Variants in HYDIN observed in about 807,000 individuals in gnomAD.
HYDIN encodes axonemal central pair apparatus protein HYDIN.
A neutral mutation model predicts 403.9 loss-of-function variants in HYDIN; 132 were observed. The ratio of observed to expected loss-of-function variants is 0.33; its 90% CI spans 0.28 to 0.38. HYDIN has a LOEUF of 0.38. Among genes scored for constraint, HYDIN ranks in the 10% least tolerant of loss-of-function variants. HYDIN has a pLI of 1.00. For synonymous variants in HYDIN, 1,202 were observed against 1,891.7 expected, an observed-to-expected ratio of 0.64 and a Z score of 9.46; for missense variants, 2,827 against 5,009.5, an observed-to-expected ratio of 0.56 and a Z score of 13.15.
In HYDIN at chr16:71,088,470, T is replaced by A. The variant is rs1021985108; in HGVS notation, c.1501A>T (p.Thr501Ser). ...IDALFNMTPP[T>S]SALGACFVFS... Reference sequence around the variant, plus strand: ...ACAAAGCAGGCCCCCAAAGCTGAAGTTGGAGGGGTCATGTTGAAGAGAGCA... The same window carrying A: ...ACAAAGCAGGCCCCCAAAGCTGAAGATGGAGGGGTCATGTTGAAGAGAGCA... The change falls in exon 12 of 86, where the codon ACT becomes TCT. Residue 501 changes from threonine (T) to serine (S), a missense_variant. Transcript: ENST00000393567. 1 of 662,612 alleles carries A rather than the reference T, an allele frequency of 1.5e-6. No individual in the cohort carries two copies. Among genetic ancestry groups the A allele is most frequent in the Non-Finnish European group, 2.6e-6 (1 of 383,508 alleles). 41.0% of individuals were successfully genotyped at this position (662,612 alleles called of 1,614,324 possible).
At chr16:71,069,158 C>G in intron 14 of HYDIN, 109 bp downstream of exon 14, 2 of 1,175,414 alleles carry the variant, frequency 1.7e-6, no homozygotes, top group East Asian at 4.9e-5. Context: ...TGACAGGCAC[C>G]CCCTCCTGCT....
At chr16:71,180,288 A>G (rs1212562740) in intron 3 of HYDIN, among the ~76,000 whole-genome samples, 7 of 152,072 alleles carry the variant, frequency 4.6e-5, no homozygotes, top group African/African-American at 1.7e-4. Context: ...CTAGAAAAAT[A>G]CAATAAAAAT....
At chr16:71,029,772 T>C (rs1266202953) in intron 19 of HYDIN, among the ~76,000 whole-genome samples, 1 of 151,794 alleles carries the variant, frequency 6.6e-6, no homozygotes, top group African/African-American at 2.4e-5. Context: ...TCAAGTCCCA[T>C]ATTTTGTAGA....
chr16:71,192,522 ATGTGTCC>A (rs1277926439), intron 1 of HYDIN, among the ~76,000 whole-genome samples: 1 of 152,140 alleles, frequency 6.6e-6, no homozygotes, highest in Non-Finnish European at 1.5e-5. Context: ...GCAGTTCAGA[ATGTGTCC>A]TGTGCTCACA....
intron 13 of HYDIN, 84 bp downstream of exon 13, chr16:71,079,801 G>C: frequency 1.6e-6 from 1 of 616,362 alleles, no homozygotes; most frequent in African/African-American, 1.9e-5. Flanking sequence ...GCTGTGGAAC[G>C]GGGGTTCTTT....
intron 23 of HYDIN, among the ~76,000 whole-genome samples, chr16:71,017,166 C>T (rs548583357): frequency 2.0e-5 from 3 of 149,880 alleles, no homozygotes; most frequent in East Asian, 3.9e-4. Flanking sequence ...ATGGTGAAAC[C>T]GCATCTCTAC....
chr16:71,211,767 C>A (rs7200267), intron 1 of HYDIN, among the ~76,000 whole-genome samples: 7,389 of 151,118 alleles, frequency 0.049, 608 homozygotes, highest in African/African-American at 0.17. Context: ...TAAACAAAAA[C>A]ACAAGAAAGT....
intron 20 of HYDIN, chr16:71,027,327 T>G (rs1432512356): frequency 1.5e-6 from 2 of 1,346,028 alleles, no homozygotes; most frequent in African/African-American, 3.0e-5. Context: ...ACTGGGTGTT[T>G]TTCTACCAGA....
intron 7 of HYDIN, among the ~76,000 whole-genome samples, chr16:71,151,590 G>A (rs2085538950): frequency 6.6e-6 from 1 of 151,904 alleles, no homozygotes; most frequent in Non-Finnish European, 1.5e-5. Flanking sequence ...TCATTTCTGT[G>A]GGTTCTTCAT....
intron 52 of HYDIN, among the ~76,000 whole-genome samples, chr16:70,902,819 A>AT (rs1444020291): frequency 5.8e-5 from 1 of 17,198 alleles, no homozygotes; most frequent in African/African-American, 2.4e-4. Context: ...ATATATATAT[A>AT]TATTTTTTTT....
intron 45 of HYDIN, among the ~76,000 whole-genome samples, chr16:70,926,928 A>C (rs2077171443): frequency 6.6e-6 from 1 of 152,258 alleles, no homozygotes; most frequent in Non-Finnish European, 1.5e-5. Context: ...GTCAGAAGAA[A>C]ATATTCAGTA....
intron 85 of HYDIN, 95 bp downstream of exon 85, chr16:70,809,688 A>C: frequency 1.0e-6 from 1 of 986,396 alleles, no homozygotes; most frequent in Non-Finnish European, 1.6e-6. Context: ...AGTCTCTCTG[A>C]GTCTCACATT....
At chr16:71,043,795 G>A (rs1273269705) in intron 18 of HYDIN, among the ~76,000 whole-genome samples, 2 of 151,748 alleles carry the variant, frequency 1.3e-5, no homozygotes, top group Non-Finnish European at 2.9e-5. Flanking sequence ...ATGTTTAAGA[G>A]TAAAGCACTA....
Position 71,093,805 on chromosome 16 carries a change from T to C in HYDIN, c.1446+12A>G. The C allele has an allele frequency of 6.2e-7, 1 of 1,611,602 alleles. No homozygotes were observed. The highest frequency in any genetic ancestry group is 8.5e-7 in the Non-Finnish European group (1 of 1,178,722). On this transcript the variant is annotated intron_variant, in intron 11 of 85. Coordinates refer to ENST00000393567, the MANE Select transcript of HYDIN (RefSeq NM_001270974.2). ...ACTGTTTGAAGTATCAACGAACAAC[T>C]CTAGTGCTTACCTCATAACAATGTG...
chr16:71,063,902 C>G (rs532278852), intron 16 of HYDIN, among the ~76,000 whole-genome samples: 4 of 149,992 alleles, frequency 2.7e-5, no homozygotes, highest in African/African-American at 9.8e-5. Context: ...TGGCTGTGTT[C>G]TGACCAGCAG....
At chr16:71,177,202 G>A (rs2086704983) in intron 4 of HYDIN, among the ~76,000 whole-genome samples, 1 of 152,150 alleles carries the variant, frequency 6.6e-6, no homozygotes, top group African/African-American at 2.4e-5. Flanking sequence ...CCTTTACCCC[G>A]ACTTGCTATT....
chr16:70,803,952 C>T lies in HYDIN; in HGVS notation c.*3628G>A, dbSNP rs960475392. 2.0e-5 allele frequency among the ~76,000 whole-genome samples: 3 copies of T among 152,314 alleles called. No individual in the cohort carries two copies. Among genetic ancestry groups the T allele is most frequent in the Admixed American group, 6.5e-5 (1 of 15,304 alleles). On this transcript the variant is annotated 3_prime_UTR_variant, in exon 86 of 86. Transcript: ENST00000393567. ...TACCCTGACATTTTCTGAACATCCC[C>T]CAGTTAGAAGTCTCCTGGTCTGCTT...
intron 47 of HYDIN, among the ~76,000 whole-genome samples, chr16:70,916,060 C>G (rs1246592335): frequency 6.6e-6 from 1 of 152,356 alleles, no homozygotes; most frequent in South Asian, 2.1e-4. Flanking sequence ...TTGCCCCAGG[C>G]TACCCACCTC....
Position 70,809,978 on chromosome 16 carries a change from CAG to C in HYDIN, c.14686_14687del (p.Leu4896GlufsTer15). On this transcript the variant is annotated frameshift_variant, in exon 85 of 86. Coordinates refer to ENST00000393567, the MANE Select transcript of HYDIN (RefSeq NM_001270974.2). LOFTEE classifies it high-confidence loss of function. ...EGTFSFEFQP[L>X]KAGETFGRLT... ...GTCTTCCGAAGGTTTCTCCAGCTTT[CAG>C]GGGCTGAAATTCAAATGAGAACGTG... The C allele has an allele frequency of 6.2e-7, 1 of 1,614,188 alleles. No individual in the cohort carries two copies. Among genetic ancestry groups the C allele is most frequent in the Non-Finnish European group, 8.5e-7 (1 of 1,180,032 alleles).
Sources: gnomAD v4.1 joint callset for allele counts (sites outside exome capture counted in the v4.1 genomes callset) on GRCh38, gnomAD v4.1.1 for gene constraint, MANE v1.5 for transcripts, NCBI Gene and HGNC (gene_info 2026-07-23, HGNC 2026-07-21) for gene names.